EWSR1: variants seen among roughly 807,000 people sequenced by gnomAD.
EWSR1 encodes EWS RNA binding protein 1.
Under a neutral mutation model 92.1 loss-of-function variants are expected in EWSR1, and 14 were observed. That is an observed-to-expected ratio of 0.15 (90% confidence interval 0.10 to 0.24). The LOEUF (loss-of-function observed/expected upper bound fraction) is 0.24. Among genes scored for constraint, EWSR1 ranks in the 10% least tolerant of loss-of-function variants. The pLI is 1.00. For synonymous variants in EWSR1, 303 were observed against 292.9 expected (o/e 1.03, Z -0.35); for missense variants, 637 against 870.9 (o/e 0.73, Z 3.38).
At chr22:29,281,603 C>A (rs1159884608) in intron 5 of EWSR1, among the ~76,000 whole-genome samples, 1 of 151,792 alleles carries the variant, frequency 6.6e-6, no homozygotes, top group Non-Finnish European at 1.5e-5. Context: ...GTTTTTGAGA[C>A]GGAGTCTTGC....
intron 4 of EWSR1, among the ~76,000 whole-genome samples, chr22:29,274,619 G>A (rs1048730565): frequency 6.6e-6 from 1 of 152,150 alleles, no homozygotes; most frequent in Non-Finnish European, 1.5e-5. Flanking sequence ...ATTTAGAGGA[G>A]CAGACTGCCA....
Position 29,299,849 on chromosome 22 carries a change from T to G in EWSR1, c.1929T>G (p.Asp643Glu). Residue 643 changes from aspartate (D) to glutamate (E), a missense_variant and splice_region_variant, in exon 16 of 17, where the codon GAT becomes GAG. Physicochemically the swap from Asp to Glu is conservative, Grantham distance 45. Coordinates refer to ENST00000397938, the MANE Select transcript of EWSR1 (RefSeq NM_005243.4). Reference protein sequence around the residue: ...RGGRGGPGKMDKGEHRQERRD... With the variant: ...RGGRGGPGKMEKGEHRQERRD... ...GACGTGGAGGACCTGGAAAAATGGA[T>G]AAGTAAGTGCTGGTGAAAAGCAGCT... The G allele has an allele frequency of 6.5e-7, 1 of 1,541,888 alleles. No homozygotes were observed. Among genetic ancestry groups the G allele is most frequent in the Non-Finnish European group, 8.8e-7 (1 of 1,142,242 alleles).
intron 6 of EWSR1, among the ~76,000 whole-genome samples, chr22:29,285,331 A>C (rs1352008568): frequency 6.6e-6 from 1 of 150,562 alleles, no homozygotes; most frequent in Non-Finnish European, 1.5e-5. Flanking sequence ...TATGTTGGTC[A>C]GGCTGGTCTC....
Position 29,297,877 on chromosome 22 carries a change from C to T in EWSR1, c.1345C>T (p.Pro449Ser). 1 of 1,614,068 alleles carries T rather than the reference C, an allele frequency of 6.2e-7. No individual in the cohort carries two copies. The highest frequency in any genetic ancestry group is 8.5e-7 in the Non-Finnish European group (1 of 1,179,992). The change falls in exon 13 of 17, where the codon CCT becomes TCT. Residue 449 changes from proline (P) to serine (S), a missense_variant. Transcript: ENST00000397938. ...TAAAGTCTCCCTTGCTCGGAAGAAG[C>T]CTCCAATGAACAGTATGCGGGGTGG... ...KLKVSLARKKPPMNSMRGGLP... is the reference protein window; with the variant it reads ...KLKVSLARKKSPMNSMRGGLP...
At position 29,287,145 on chromosome 22, in the gene EWSR1, AAG is replaced by A; in HGVS notation, c.793+17_793+18del. ...GCTACGGGCAGCAGAGTGAGTTGCT[AAG>A]AGAGAAAACCAAATAAGAATGAATG... On this transcript the variant is annotated intron_variant, in intron 7 of 16. Transcript: ENST00000397938. 1 of 1,612,632 alleles carries A rather than the reference AAG, an allele frequency of 6.2e-7. No individual in the cohort carries two copies. The highest frequency in any genetic ancestry group is 8.5e-7 in the Non-Finnish European group (1 of 1,178,954).
intron 11 of EWSR1, among the ~76,000 whole-genome samples, chr22:29,293,436 CAAAACCTT>C (rs2060599794): frequency 6.6e-6 from 1 of 152,200 alleles, no homozygotes; most frequent in South Asian, 2.1e-4. Context: ...CCATAAACCT[CAAAACCTT>C]AAAACCCCAA....
intron 5 of EWSR1, among the ~76,000 whole-genome samples, chr22:29,280,096 T>C (rs2059444250): frequency 6.6e-6 from 1 of 152,084 alleles, no homozygotes; most frequent in South Asian, 2.1e-4. Context: ...GGTTGGTTGG[T>C]TTTTGAGATG....
chr22:29,299,431 C>CT (rs1309887609), intron 15 of EWSR1, 100 bp downstream of exon 15: 13 of 1,517,426 alleles, frequency 8.6e-6, no homozygotes, highest in South Asian at 3.9e-5. Flanking sequence ...TGCTTAACAA[C>CT]TTTGAGTTGT....
chr22:29,300,327 T>C lies in EWSR1; in HGVS notation c.*166T>C. ...ATTTGTGAAGAAACATTAAAACAAGTTAAATGGTAGTGTGCGGAGTTTTTT... is the reference window on the plus strand; with the variant it reads ...ATTTGTGAAGAAACATTAAAACAAGCTAAATGGTAGTGTGCGGAGTTTTTT... On this transcript the variant is annotated 3_prime_UTR_variant, in exon 17 of 17. Coordinates refer to ENST00000397938, the MANE Select transcript of EWSR1 (RefSeq NM_005243.4). 1.4e-6 allele frequency: 1 copy of C among 706,262 alleles called. No individual in the cohort carries two copies. The highest frequency in any genetic ancestry group is 2.3e-6 in the Non-Finnish European group (1 of 436,930). 43.7% of individuals were successfully genotyped at this position (706,262 alleles called of 1,614,324 possible).
In EWSR1 at chr22:29,300,495, A is replaced by AAAT. The variant is rs1387210919; in HGVS notation, c.*337_*339dup. The stretch of plus-strand genomic sequence containing the variant: ...GTTGTGATGTTTTTTTTTTTTTTTT[A>AAAT]AATAAAATTCCAAATGTTTATAAAG... On this transcript the variant is annotated 3_prime_UTR_variant, in exon 17 of 17. Transcript: ENST00000397938. 4.5e-6 allele frequency: 1 copy of AAAT among 222,022 alleles called. No homozygotes were observed. Among genetic ancestry groups the AAAT allele is most frequent in the Admixed American group, 5.7e-5 (1 of 17,616 alleles). 13.8% of individuals were successfully genotyped at this position (222,022 alleles called of 1,614,324 possible).
At chr22:29,283,708 A>G (rs775983892) in intron 6 of EWSR1, among the ~76,000 whole-genome samples, 7 of 148,502 alleles carry the variant, frequency 4.7e-5, no homozygotes, top group Admixed American at 6.7e-5. Flanking sequence ...TTTTTTTTGT[A>G]TTTTTAGTAG....
intron 15 of EWSR1, 34 bp from the exon 16 acceptor site, chr22:29,299,565 A>C: frequency 6.4e-7 from 1 of 1,554,488 alleles, no homozygotes; most frequent in Non-Finnish European, 8.7e-7. Context: ...GCAGCCACCC[A>C]CTGACTGCTT....
At position 29,278,072 on chromosome 22, in the gene EWSR1, T is replaced by C. The variant is rs760136386; in HGVS notation, c.269T>C (p.Val90Ala). The change falls in exon 5 of 17, where the codon GTC becomes GCC. Residue 90 changes from valine to alanine, a missense_variant. By Grantham distance (64) the Val-to-Ala change is moderately conservative (BLOSUM62 0). Transcript: ENST00000397938. ...GCCCCCCAGGCATACAGCCAGCCTGTCCAGGGGTATGGCACTGGTGCTTAT... is the reference window on the plus strand; with the variant it reads ...GCCCCCCAGGCATACAGCCAGCCTGCCCAGGGGTATGGCACTGGTGCTTAT... ...PTAPQAYSQPVQGYGTGAYDT... is the reference protein window; with the variant it reads ...PTAPQAYSQPAQGYGTGAYDT... 1.9e-6 allele frequency: 3 copies of C among 1,614,060 alleles called. No homozygotes were observed. The highest frequency in any genetic ancestry group is 4.5e-5 in the East Asian group (2 of 44,890).
At chr22:29,277,538 A>G (rs143435328) in intron 4 of EWSR1, 86 of 228,610 alleles carry the variant, frequency 3.8e-4, no homozygotes, top group African/African-American at 1.9e-3. Flanking sequence ...CCCAAATTAC[A>G]GGTTTTAGTG....
chr22:29,276,558 CTT>C (rs1291770087), intron 4 of EWSR1: 1 of 226,124 alleles, frequency 4.4e-6, no homozygotes, highest in African/African-American at 2.2e-5. Flanking sequence ...GGCCCTAAAT[CTT>C]AACTAAAATG....
At chr22:29,299,039 A>C in intron 14 of EWSR1, 144 bp downstream of exon 14, 2 of 1,322,526 alleles carry the variant, frequency 1.5e-6, no homozygotes, top group Non-Finnish European at 2.1e-6. Context: ...TCAGCCATTC[A>C]CTGGACGCTT....
chr22:29,287,266 T>TG, intron 7 of EWSR1, 132 bp downstream of exon 7: 2 of 863,238 alleles, frequency 2.3e-6, no homozygotes, highest in East Asian at 5.3e-5. Flanking sequence ...TGGAGTACAG[T>TG]GGTGCCATCT....
At chr22:29,288,818 T>C (rs755909518) in intron 8 of EWSR1, 32 bp downstream of exon 8, 10 of 1,524,688 alleles carry the variant, frequency 6.6e-6, no homozygotes, top group Admixed American at 2.1e-5. Flanking sequence ...TTTTACCTAA[T>C]TTTGTTTCAT....
At chr22:29,299,184 A>G in intron 14 of EWSR1, 50 bp from the exon 15 acceptor site, 1 of 1,613,734 alleles carries the variant, frequency 6.2e-7, no homozygotes, top group Non-Finnish European at 8.5e-7. Context: ...TTCCTTGTTT[A>G]TCTTCCTTAG....
Sources: gnomAD v4.1 joint callset for allele counts (sites outside exome capture counted in the v4.1 genomes callset) on GRCh38, gnomAD v4.1.1 for gene constraint, MANE v1.5 for transcripts, NCBI Gene and HGNC (gene_info 2026-07-23, HGNC 2026-07-21) for gene names.